MAST2: variants seen among roughly 807,000 people sequenced by gnomAD.
The protein encoded by MAST2 is microtubule-associated serine/threonine-protein kinase 2.
MAST2 carries 70 observed loss-of-function variants against 147.4 expected under a neutral mutation model. The ratio of observed to expected loss-of-function variants is 0.47; its 90% CI spans 0.39 to 0.58. The LOEUF is 0.58. MAST2 is among the 20% of genes least tolerant of loss of function. The pLI is 0.00. For synonymous variants in MAST2, 869 were observed against 896.8 expected (o/e 0.97, Z 0.55); for missense variants, 2,080 against 2,302.3 (o/e 0.90, Z 1.98).
chr1:45,828,801 G>A (rs1644867381), intron 2 of MAST2, among the ~76,000 whole-genome samples: 1 of 152,112 alleles, frequency 6.6e-6, no homozygotes, highest in Admixed American at 6.6e-5. Context: ...GTGCATGCCT[G>A]TAGTCCCAGC....
intron 5 of MAST2, among the ~76,000 whole-genome samples, chr1:45,968,860 C>T (rs1043934524): frequency 4.1e-5 from 6 of 146,778 alleles, no homozygotes; most frequent in South Asian, 4.3e-4. Context: ...TCACAGTTCT[C>T]GGATGTTCTG....
chr1:46,031,618 C>T lies in MAST2; in HGVS notation c.3187+33C>T. 2 of 1,589,884 alleles carry T rather than the reference C, an allele frequency of 1.3e-6. No individual in the cohort carries two copies. Among genetic ancestry groups the T allele is most frequent in the Non-Finnish European group, 1.7e-6 (2 of 1,163,346 alleles). On this transcript the variant is annotated intron_variant, in intron 24 of 28. Coordinates refer to ENST00000361297, the MANE Select transcript of MAST2 (RefSeq NM_015112.3). The surrounding 1 kb of genome is among the most constrained non-coding windows in gnomAD (Gnocchi z 4.1). ...CCCTGGGGAGCTGGGATAAAACTCA[C>T]AGGAAGGGCCTTGTAATCTCTAGGC...
chr1:46,007,430 C>G (rs1645531816), intron 8 of MAST2, among the ~76,000 whole-genome samples: 1 of 152,162 alleles, frequency 6.6e-6, no homozygotes, highest in Non-Finnish European at 1.5e-5. Flanking sequence ...AACCCATACA[C>G]AGAGAAGGGT....
chr1:45,990,295 G>A (rs956616328), intron 5 of MAST2, among the ~76,000 whole-genome samples: 7 of 152,200 alleles, frequency 4.6e-5, no homozygotes, highest in Non-Finnish European at 7.4e-5. Context: ...TATGCCAAAT[G>A]ATGTTGAGAA....
intron 1 of MAST2, among the ~76,000 whole-genome samples, chr1:45,816,744 A>C (rs542232932): frequency 1.1e-4 from 17 of 152,170 alleles, no homozygotes; most frequent in African/African-American, 3.4e-4. Context: ...GCAGTGGCGT[A>C]ATGGCTCCCT....
At position 45,938,468 on chromosome 1, in the gene MAST2, T is replaced by G. The variant is rs1178268055; in HGVS notation, c.501-20918T>G. 2.0e-5 allele frequency among the ~76,000 whole-genome samples: 3 copies of G among 152,088 alleles called. No homozygotes were observed. The East Asian group carries it at 5.8e-4, about 29-fold the overall frequency. ...CCTCCCAAGTGACTGGGACCACAGG[T>G]GCACACCACCATACCCAGCTAATTA... On this transcript the variant is annotated intron_variant, in intron 4 of 28. Transcript: ENST00000361297.
intron 1 of MAST2, among the ~76,000 whole-genome samples, chr1:45,819,835 A>G (rs1337664205): frequency 6.6e-6 from 1 of 152,234 alleles, no homozygotes; most frequent in Non-Finnish European, 1.5e-5. Context: ...CAAAAATAGA[A>G]AAAACAATTC....
intron 28 of MAST2, 27 bp downstream of exon 28, chr1:46,034,293 G>A (rs1465145891): frequency 6.3e-7 from 1 of 1,590,228 alleles, no homozygotes; most frequent in Non-Finnish European, 8.6e-7. Flanking sequence ...GCAGATCAGT[G>A]ACAACCCCTG....
At chr1:45,836,042 T>C (rs1426310619) in intron 3 of MAST2, among the ~76,000 whole-genome samples, 2 of 152,252 alleles carry the variant, frequency 1.3e-5, no homozygotes, top group African/African-American at 4.8e-5. Context: ...CTTTTAGCCA[T>C]TGTGAATAGT....
chr1:45,923,896 A>G (rs1239590436), intron 4 of MAST2, among the ~76,000 whole-genome samples: 1 of 151,928 alleles, frequency 6.6e-6, no homozygotes, highest in Admixed American at 6.6e-5. Flanking sequence ...TTTTGAGACA[A>G]GTTCTCACTC....
chr1:45,985,373 C>T (rs1333083540), intron 5 of MAST2, among the ~76,000 whole-genome samples: 3 of 152,222 alleles, frequency 2.0e-5, no homozygotes, highest in African/African-American at 4.8e-5. Flanking sequence ...GGATTACAGG[C>T]GTGAGCCACC....
intron 3 of MAST2, among the ~76,000 whole-genome samples, chr1:45,842,527 A>G (rs1023305378): frequency 2.0e-5 from 3 of 152,068 alleles, no homozygotes; most frequent in Admixed American, 6.5e-5. Context: ...TCTATTCTGG[A>G]TATTTTATAT....
At chr1:46,021,781 C>T (rs1368250111) in intron 11 of MAST2, among the ~76,000 whole-genome samples, 169 bp from the exon 12 acceptor site, 1 of 152,212 alleles carries the variant, frequency 6.6e-6, no homozygotes, top group Non-Finnish European at 1.5e-5. Context: ...ATCTTTGTCC[C>T]CATTCCTGTG....
intron 26 of MAST2, 43 bp downstream of exon 26, chr1:46,032,761 C>T (rs1240453332): frequency 6.3e-7 from 1 of 1,591,490 alleles, no homozygotes. Flanking sequence ...TGAATGACCT[C>T]AGCCTGTGAG....
At chr1:45,820,791 G>C (rs1027944648) in intron 1 of MAST2, among the ~76,000 whole-genome samples, 2 of 142,396 alleles carry the variant, frequency 1.4e-5, no homozygotes, top group Non-Finnish European at 3.0e-5. Flanking sequence ...ATGCCTTTTA[G>C]GATTTGATGT....
intron 4 of MAST2, among the ~76,000 whole-genome samples, chr1:45,911,128 G>T (rs1002284252): frequency 2.6e-5 from 4 of 152,158 alleles, no homozygotes; most frequent in South Asian, 2.1e-4. Context: ...GAGAAGGCAG[G>T]TGTTTCTTTC....
chr1:45,930,845 C>G (rs1214812102), intron 4 of MAST2, among the ~76,000 whole-genome samples: 5 of 152,000 alleles, frequency 3.3e-5, no homozygotes, highest in Non-Finnish European at 5.9e-5. Flanking sequence ...GGGATATTTA[C>G]AAAAAACAAG....
intron 4 of MAST2, among the ~76,000 whole-genome samples, chr1:45,903,126 CTTT>C (rs34621764): frequency 2.6e-4 from 21 of 79,322 alleles, no homozygotes; most frequent in East Asian, 7.4e-4. Flanking sequence ...AAATTTTTGT[CTTT>C]TTTTTTTTTT....
chr1:46,018,981 G>A (rs564731082), intron 10 of MAST2, among the ~76,000 whole-genome samples: 13 of 152,232 alleles, frequency 8.5e-5, no homozygotes, highest in African/African-American at 2.9e-4. Context: ...CTTATTCATT[G>A]TAATTTTCCT....
Sources: gnomAD v4.1 joint callset for allele counts (sites outside exome capture counted in the v4.1 genomes callset) on GRCh38, gnomAD v4.1.1 for gene constraint, Gnocchi (gnomAD v3.1) non-coding constraint, MANE v1.5 for transcripts, NCBI Gene and HGNC (gene_info 2026-07-23, HGNC 2026-07-21) for gene names.